The following MYCBP2 variants were observed in gnomAD, a reference collection of about 807,000 sequenced individuals.
MYCBP2 encodes the protein E3 ubiquitin-protein ligase MYCBP2.
A neutral mutation model predicts 525.3 loss-of-function variants in MYCBP2; 120 were observed. That is an observed-to-expected ratio of 0.23 (90% confidence interval 0.20 to 0.27). MYCBP2 has a LOEUF of 0.27. MYCBP2 is among the 10% of genes least tolerant of loss of function. MYCBP2 has a pLI of 1.00. For missense variants in MYCBP2, 4,149 were observed against 5,657.1 expected, an observed-to-expected ratio of 0.73 and a Z score of 8.55; for synonymous variants, 1,894 against 1,955.8, an observed-to-expected ratio of 0.97 and a Z score of 0.83.
rs764253729 is a variant in MYCBP2, at chr13:77,233,240, T to G, written c.2653A>C (p.Ile885Leu). ...GRGPLVFAGP[I>L]FMNHREQALA... ...GCCTGTTCTCGATGGTTCATAAAAA[T>G]AGGACCAGCAAATACAAGGGGGCCT... Residue 885 changes from isoleucine (I) to leucine (L), a missense_variant, in exon 18 of 83, where the codon ATT becomes CTT. Around this residue, in one of 21 missense-constraint regions of MYCBP2, gnomAD observed 620 missense variants for 795.5 expected, o/e 0.78. Transcript: ENST00000544440. 13 of 1,613,814 alleles carry G rather than the reference T, an allele frequency of 8.1e-6. No individual in the cohort carries two copies. The South Asian group carries it at 1.3e-4, about 16-fold the overall frequency.
chr13:77,053,555 C>T (rs1191210704), intron 80 of MYCBP2, among the ~76,000 whole-genome samples: 1 of 152,230 alleles, frequency 6.6e-6, no homozygotes, highest in African/African-American at 2.4e-5. Context: ...GGACTGCTTA[C>T]TCCAGCTGTT....
chr13:77,215,833 G>C (rs2064742458), intron 21 of MYCBP2, among the ~76,000 whole-genome samples: 1 of 152,078 alleles, frequency 6.6e-6, no homozygotes, highest in South Asian at 2.1e-4. Context: ...CTCCTACACT[G>C]GCCTGCCAAA....
chr13:77,137,658 G>A (rs1448918437), intron 52 of MYCBP2, among the ~76,000 whole-genome samples: 1 of 152,048 alleles, frequency 6.6e-6, no homozygotes, highest in African/African-American at 2.4e-5. Context: ...GCGTGATCTT[G>A]AATCACTGCA....
chr13:77,154,828 T>C (rs2057013976), intron 46 of MYCBP2, among the ~76,000 whole-genome samples: 1 of 152,078 alleles, frequency 6.6e-6, no homozygotes, highest in Non-Finnish European at 1.5e-5. Flanking sequence ...CTTTTTTTCT[T>C]ATAATTTGTG....
chr13:77,085,942 T>C (rs1056905226), intron 62 of MYCBP2, among the ~76,000 whole-genome samples: 1 of 152,198 alleles, frequency 6.6e-6, no homozygotes, highest in African/African-American at 2.4e-5. Flanking sequence ...CAATCTCACA[T>C]TGTAACTGTA....
chr13:77,226,633 C>T (rs954754538), intron 18 of MYCBP2, among the ~76,000 whole-genome samples: 4 of 152,128 alleles, frequency 2.6e-5, no homozygotes, highest in Non-Finnish European at 5.9e-5. Context: ...TTTCATTGTG[C>T]ATTTTAGAAT....
At chr13:77,243,294 TAATTCTTAGCCAA>T in intron 16 of MYCBP2, 134 bp from the exon 17 acceptor site, 1 of 730,450 alleles carries the variant, frequency 1.4e-6, no homozygotes, top group Non-Finnish European at 2.3e-6. Context: ...TTTACTTTAA[TAATTCTTAGCCAA>T]AAAGGGAAAA....
intron 55 of MYCBP2, among the ~76,000 whole-genome samples, chr13:77,114,849 CAAAT>C (rs1468132011): frequency 6.6e-6 from 1 of 151,770 alleles, no homozygotes; most frequent in South Asian, 2.1e-4. Flanking sequence ...CTACCACAAA[CAAAT>C]AAATAAAAGT....
intron 82 of MYCBP2, among the ~76,000 whole-genome samples, chr13:77,045,817 A>G (rs557570337): frequency 6.6e-6 from 1 of 152,350 alleles, no homozygotes; most frequent in Non-Finnish European, 1.5e-5. Context: ...GTAATGAACA[A>G]AAAAGGTCAC....
In MYCBP2 at chr13:77,057,956, G is replaced by A. The variant is rs2038484019; in HGVS notation, c.13329+262C>T. ...GGCTTCATGCCATTCTCCTGACTCA[G>A]CCTCCTGAGTAGCTGGGACTACAGG... On this transcript the variant is annotated intron_variant, in intron 78 of 82. Coordinates refer to ENST00000544440, the MANE Select transcript of MYCBP2 (RefSeq NM_015057.5). 2.0e-5 allele frequency among the ~76,000 whole-genome samples: 3 copies of A among 149,324 alleles called. No homozygotes were observed. The Admixed American group carries it at 2.0e-4, about 10-fold the overall frequency.
At chr13:77,166,124 A>G (rs1039998856) in intron 41 of MYCBP2, among the ~76,000 whole-genome samples, 11 of 152,152 alleles carry the variant, frequency 7.2e-5, no homozygotes, top group Non-Finnish European at 1.0e-4. Flanking sequence ...AAAATCCTTA[A>G]AACATTGTCT....
chr13:77,156,185 G>A lies in MYCBP2; in HGVS notation c.6788C>T (p.Ser2263Leu), dbSNP rs2057195283. 6.2e-7 allele frequency: 1 copy of A among 1,613,484 alleles called. No individual in the cohort carries two copies. Among genetic ancestry groups the A allele is most frequent in the Non-Finnish European group, 8.5e-7 (1 of 1,179,618 alleles). Reference protein sequence around the residue: ...GRLARWLQPDSYADPQKTSLI... With the variant: ...GRLARWLQPDLYADPQKTSLI... ...AGATGTTTTCTGAGGATCCGCATAT[G>A]AATCTGGCTGAAGCCACCTAACAGT... Residue 2263 changes from serine (S) to leucine (L), a missense_variant, in exon 46 of 83, where the codon TCA becomes TTA. Ser to Leu is a moderately radical substitution (Grantham distance 145, BLOSUM62 -2). Around this residue, in one of 21 missense-constraint regions of MYCBP2, gnomAD observed 692 missense variants for 852.7 expected, o/e 0.81. Transcript: ENST00000544440.
intron 7 of MYCBP2, 47 bp from the exon 8 acceptor site, chr13:77,267,984 C>G: frequency 8.4e-7 from 1 of 1,186,192 alleles, no homozygotes; most frequent in Non-Finnish European, 1.3e-6. Context: ...ATTACTAATT[C>G]AGCAGAAACA....
intron 71 of MYCBP2, 112 bp downstream of exon 71, chr13:77,067,469 G>T: frequency 8.9e-7 from 1 of 1,122,840 alleles, no homozygotes; most frequent in Non-Finnish European, 1.3e-6. Flanking sequence ...GTTGTTTATG[G>T]ATTTTATTTG....
intron 73 of MYCBP2, among the ~76,000 whole-genome samples, chr13:77,063,996 A>G (rs2039789031): frequency 6.6e-6 from 1 of 152,206 alleles, no homozygotes; most frequent in Admixed American, 6.5e-5. Flanking sequence ...ACTTCTTCCT[A>G]ACGTTGTCAG....
chr13:77,174,291 A>G lies in MYCBP2; in HGVS notation c.5651+20T>C, dbSNP rs377516675. On this transcript the variant is annotated intron_variant, in intron 37 of 82. Transcript: ENST00000544440. ...TCTACCACTGTAAAGTATTTCCGTT[A>G]TCTCTATACATTCACCCACCTATAG... is the stretch of plus-strand genomic sequence containing the variant. The G allele has an allele frequency of 1.4e-5, 22 of 1,609,452 alleles. No homozygotes were observed. In the African/African-American group the frequency reaches 2.8e-4, roughly 21 times the overall value.
intron 3 of MYCBP2, among the ~76,000 whole-genome samples, chr13:77,281,439 A>G (rs1252261163): frequency 6.6e-6 from 1 of 152,082 alleles, no homozygotes; most frequent in Non-Finnish European, 1.5e-5. Flanking sequence ...AATAATTATA[A>G]CAATAAAAGA....
chr13:77,080,744 C>G (rs1234555306), intron 65 of MYCBP2: 1 of 152,020 alleles, frequency 6.6e-6, no homozygotes, highest in Non-Finnish European at 1.5e-5. Flanking sequence ...GGGTTTGAGA[C>G]CGGCCTGGAC....
At chr13:77,051,211 C>G (rs1391964597) in intron 81 of MYCBP2, 49 bp from the exon 82 acceptor site, 1 of 1,522,764 alleles carries the variant, frequency 6.6e-7, no homozygotes, top group East Asian at 2.3e-5. Context: ...GAGACTATTT[C>G]AATCACACTT....
Sources: gnomAD v4.1 joint callset for allele counts (sites outside exome capture counted in the v4.1 genomes callset) on GRCh38, gnomAD v4.1.1 for gene constraint, gnomAD v4.1.1 regional missense constraint, MANE v1.5 for transcripts, NCBI Gene and HGNC (gene_info 2026-07-23, HGNC 2026-07-21) for gene names.